Variants in LMF1 observed in about 807,000 individuals in gnomAD.
The protein encoded by LMF1 is lipase maturation factor 1, also known as transmembrane protein 112.
In LMF1, 68 loss-of-function variants were observed where a neutral mutation model predicts 60.6. That is an observed-to-expected ratio of 1.12 (90% CI 0.92 to 1.37). The LOEUF is 1.37. Among genes scored for constraint, LMF1 ranks in the 40% most tolerant of loss-of-function variants. The pLI, the probability that LMF1 is intolerant of heterozygous loss-of-function variation, is 0.00. For missense variants in LMF1, 948 were observed against 767.2 expected (o/e 1.24, Z -2.78); for synonymous variants, 418 against 324.7 (o/e 1.29, Z -3.09).
chr16:931,086 T>TCTCCAGC (rs1244504459), intron 3 of LMF1, among the ~76,000 whole-genome samples: 6 of 150,748 alleles, frequency 4.0e-5, no homozygotes, highest in African/African-American at 1.5e-4. Context: ...GCACCACTGC[T>TCTCCAGC]CTCCAGCCTG....
At chr16:979,162 G>A (rs900786203) in intron 1 of LMF1, 11 of 441,564 alleles carry the variant, frequency 2.5e-5, no homozygotes, top group Non-Finnish European at 4.2e-5. Flanking sequence ...AAGCCATCCC[G>A]ACACCTCCCT....
intron 2 of LMF1, among the ~76,000 whole-genome samples, chr16:936,265 G>T (rs1254144635): frequency 1.6e-4 from 22 of 139,966 alleles, no homozygotes; most frequent in Middle Eastern, 4.8e-3. Flanking sequence ...GGCACCCCGT[G>T]GGCTGAGGAA....
intron 1 of LMF1, among the ~76,000 whole-genome samples, chr16:959,766 T>C (rs1420476460): frequency 6.6e-6 from 1 of 151,232 alleles, no homozygotes; most frequent in Non-Finnish European, 1.5e-5. Context: ...GAGCAGATGC[T>C]AGAGGAGTCA....
chr16:895,578 C>T (rs972516654), intron 4 of LMF1, among the ~76,000 whole-genome samples: 8 of 152,136 alleles, frequency 5.3e-5, no homozygotes, highest in African/African-American at 1.2e-4. Flanking sequence ...AGGGGAGGGG[C>T]GTGTCCAATT....
At chr16:978,192 CAT>C (rs2073228215) in intron 1 of LMF1, among the ~76,000 whole-genome samples, 1 of 151,302 alleles carries the variant, frequency 6.6e-6, no homozygotes, top group South Asian at 2.1e-4. Context: ...ACCCCACACA[CAT>C]ACATCACACA....
chr16:954,403 CA>C lies in LMF1; in HGVS notation c.456del (p.Ala153ProfsTer61), dbSNP rs1265721666. The C allele has an allele frequency of 1.9e-6, 3 of 1,613,086 alleles. No homozygotes were observed. The highest frequency in any genetic ancestry group is 2.5e-6 in the Non-Finnish European group (3 of 1,179,756). ...ITGCANMLLM[A>X]ALWGLYMSLV... is the part of the protein sequence containing the mutation. ...AGGGACATGTAGAGGCCCCACAGGGCAGCCATGAGAAGCATGTTGGCGCAGC... is the reference window on the plus strand; with the variant it reads ...AGGGACATGTAGAGGCCCCACAGGGCGCCATGAGAAGCATGTTGGCGCAGC... On this transcript the variant is annotated frameshift_variant, in exon 2 of 11. Coordinates refer to ENST00000262301, the MANE Select transcript of LMF1 (RefSeq NM_022773.4). LOFTEE classifies it high-confidence loss of function.
intron 4 of LMF1, chr16:905,095 T>A (rs1231269568): frequency 2.1e-5 from 3 of 140,874 alleles, no homozygotes; most frequent in Non-Finnish European, 4.0e-5. Flanking sequence ...GCACTGCCTG[T>A]GAGGACGCCT....
intron 8 of LMF1, 143 bp from the exon 9 acceptor site, chr16:870,209 A>G: frequency 1.1e-6 from 1 of 942,506 alleles, no homozygotes; most frequent in East Asian, 2.6e-5. Context: ...GTCAGGGGCT[A>G]CTGAGAGGCT....
At chr16:940,592 A>ACTAAACC (rs1265400189) in intron 2 of LMF1, among the ~76,000 whole-genome samples, 1 of 152,262 alleles carries the variant, frequency 6.6e-6, no homozygotes, top group African/African-American at 2.4e-5. Context: ...AGACCAGACA[A>ACTAAACC]CTAAACCCAA....
rs138398804 is a variant in LMF1, at chr16:905,708, G to A, written c.663+5223C>T. Among the ~76,000 whole-genome samples the A allele has an allele frequency of 3.3e-4, 50 of 152,106 alleles. No homozygotes were observed. In the East Asian group the frequency reaches 6.6e-3, roughly 20 times the overall value. ...TTGTGAATATTTTCTCCTGATCTGT[G>A]CCTTGTCATTTTCTCGGTGGTGTCT... On this transcript the variant is annotated intron_variant, in intron 4 of 10. Transcript: ENST00000262301.
At position 864,662 on chromosome 16, in the gene LMF1, C is replaced by CTTT. The variant is rs386364714; in HGVS notation, c.1529+4279_1529+4281dup. Among the ~76,000 whole-genome samples, 1,104 of 141,966 alleles carry CTTT rather than the reference C, an allele frequency of 7.8e-3. 18 individuals are homozygous for CTTT. The highest frequency in any genetic ancestry group is 0.028 in the African/African-American group (1,065 of 38,324). The allele number at this position is 141,966 out of a possible 152,430, so 93.1% of individuals were successfully genotyped here. A position where few individuals can be genotyped will look rare whatever the true frequency, so the allele number is the denominator to read the frequency against. On this transcript the variant is annotated intron_variant, in intron 10 of 10. Coordinates refer to ENST00000262301, the MANE Select transcript of LMF1 (RefSeq NM_022773.4). ...ATTATGCATATATTTAAGTTACTAT[C>CTTT]TTTTTTTTTTTTTTTTGAGATAGGG...
rs994157279 is a variant in LMF1 at position 878,090 on chromosome 16, G to T, written c.897+1480C>A. On this transcript the variant is annotated intron_variant, in intron 6 of 10. Coordinates refer to ENST00000262301, the MANE Select transcript of LMF1 (RefSeq NM_022773.4). This position sits in a 1 kb window ranked among gnomAD's most constrained non-coding sequence, Gnocchi z 5.2. ...CTATTCCAGGAGCCCCCAGACGCGC[G>T]TGGGGTCCAGCCACATGGAATCCAC... Among the ~76,000 whole-genome samples, 3 of 151,352 alleles carry T rather than the reference G, an allele frequency of 2.0e-5. No homozygotes were observed. The highest frequency in any genetic ancestry group is 7.3e-5 in the African/African-American group (3 of 41,060).
At chr16:873,459 G>C (rs2069866238) in intron 6 of LMF1, 1 of 152,296 alleles carries the variant, frequency 6.6e-6, no homozygotes, top group South Asian at 2.1e-4. Flanking sequence ...CGGAGCAGCA[G>C]GTGTTCCGAG....
rs67964082 is a variant in LMF1 at position 954,892 on chromosome 16, T to C, written c.194-226A>G. Among the ~76,000 whole-genome samples, 42,060 of 105,074 alleles carry C rather than the reference T, an allele frequency of 0.4. 10,290 individuals are homozygous for C. The highest frequency in any genetic ancestry group is 0.68 in the African/African-American group (17,462 of 25,712). The allele number at this position is 105,074 out of a possible 152,430, so 68.9% of individuals were successfully genotyped here. A position where few individuals can be genotyped will look rare whatever the true frequency, so the allele number is the denominator to read the frequency against. ...CAGACGCGGTGTGTGCATACACGCA[T>C]ACACATCTAAGTGAACTAGACACGT... On this transcript the variant is annotated intron_variant, in intron 1 of 10. Transcript: ENST00000262301.
intron 3 of LMF1, among the ~76,000 whole-genome samples, chr16:916,902 G>A (rs368322875): frequency 3.3e-5 from 5 of 152,194 alleles, no homozygotes; most frequent in East Asian, 1.9e-4. Context: ...GTTGAGCTCC[G>A]GGTCTGTTAT....
chr16:921,688 A>G (rs73499217), intron 3 of LMF1, among the ~76,000 whole-genome samples: 17,838 of 152,100 alleles, frequency 0.12, 1,195 homozygotes, highest in Non-Finnish European at 0.16. Context: ...TGATGTGGGA[A>G]GCATTGACAC....
chr16:878,051 G>A lies in LMF1; in HGVS notation c.897+1519C>T, dbSNP rs1052803504. On this transcript the variant is annotated intron_variant, in intron 6 of 10. Coordinates refer to ENST00000262301, the MANE Select transcript of LMF1 (RefSeq NM_022773.4). The surrounding 1 kb of genome is among the most constrained non-coding windows in gnomAD (Gnocchi z 5.2). ...AAACACACATGGGGTCTGGCTACAC[G>A]GAACCGACTGAAGCTATTCCAGGAG... 5.9e-5 allele frequency among the ~76,000 whole-genome samples: 9 copies of A among 151,700 alleles called. No individual in the cohort carries two copies. Among genetic ancestry groups the A allele is most frequent in the African/African-American group, 1.5e-4 (6 of 41,250 alleles).
In LMF1 at chr16:978,215, A is replaced by G. The variant is rs529577946; in HGVS notation, c.-135+2930T>C. 7.3e-5 allele frequency among the ~76,000 whole-genome samples: 11 copies of G among 151,556 alleles called. No homozygotes were observed. In the South Asian group the frequency reaches 2.3e-3, roughly 32 times the overall value. On this transcript the variant is annotated intron_variant, in intron 1 of 6. Coordinates refer to the LMF1 transcript ENST00000570014. Reference sequence around the variant, plus strand: ...CACATACATCACACACATCATACACATACACACCACACACCATACACACCA... The same window carrying G: ...CACATACATCACACACATCATACACGTACACACCACACACCATACACACCA...
chr16:966,035 G>A (rs2072915692), intron 1 of LMF1, among the ~76,000 whole-genome samples: 1 of 152,100 alleles, frequency 6.6e-6, no homozygotes, highest in Admixed American at 6.5e-5. Flanking sequence ...CCGGTGGTCA[G>A]CCCTGGGTGG....
Sources: allele counts gnomAD v4.1 joint callset (sites outside exome capture counted in the v4.1 genomes callset), GRCh38; gene constraint gnomAD v4.1.1; non-coding constraint Gnocchi (gnomAD v3.1); transcripts MANE v1.5; gene names NCBI Gene and HGNC (gene_info 2026-07-23, HGNC 2026-07-21).